Variants in SEMA6D observed in about 807,000 individuals in gnomAD.
SEMA6D encodes semaphorin 6D.
SEMA6D carries 35 observed loss-of-function variants against 106.6 expected under a neutral mutation model. The observed-to-expected ratio is 0.33, with a 90% confidence interval of 0.25 to 0.44. The LOEUF (loss-of-function observed/expected upper bound fraction) is 0.44, where lower values mean the gene tolerates loss of function less well. Ranked by LOEUF, SEMA6D falls within the 20% of genes least tolerant of loss-of-function variation. The pLI, the probability that SEMA6D is intolerant of heterozygous loss-of-function variation, is 1.00. For synonymous variants in SEMA6D, 499 were observed against 487.7 expected (o/e 1.02, Z -0.31); for missense variants, 1,185 against 1,345.9 (o/e 0.88, Z 1.87).
At position 47,375,301 on chromosome 15, in the gene SEMA6D, A is replaced by C. The variant is rs562042863; in HGVS notation, c.-238-37092A>C. ...TTGAACAACTACGATCTTGGGAAGA[A>C]AGTTTTTCAGCTGCCTGTTTGTCAA... On this transcript the variant is annotated intron_variant, in intron 1 of 19. Transcript: ENST00000558014. 4.6e-5 allele frequency among the ~76,000 whole-genome samples: 7 copies of C among 152,244 alleles called. No homozygotes were observed. In the South Asian group the frequency reaches 1.5e-3, roughly 32 times the overall value.
chr15:47,496,306 A>T (rs1483851359), intron 3 of SEMA6D, among the ~76,000 whole-genome samples: 1 of 152,044 alleles, frequency 6.6e-6, no homozygotes, highest in Non-Finnish European at 1.5e-5. Flanking sequence ...TCAACCACTG[A>T]CTCACAGAAT....
chr15:47,315,958 C>G (rs189188112), intron 1 of SEMA6D, among the ~76,000 whole-genome samples: 109 of 151,788 alleles, frequency 7.2e-4, no homozygotes, highest in Admixed American at 5.2e-3. Flanking sequence ...TTCCTGTATC[C>G]TTAGTATGAT....
At chr15:47,552,891 A>ATATATATATAAATATATATAAAT (rs2045790546) in intron 3 of SEMA6D, among the ~76,000 whole-genome samples, 3 of 35,294 alleles carry the variant, frequency 8.5e-5, no homozygotes, top group African/African-American at 3.5e-4. Context: ...AATATATATA[A>ATATATATATAAATATATATAAAT]ATATATATAT....
At position 47,273,779 on chromosome 15, in the gene SEMA6D, G is replaced by T. The variant is rs59471478; in HGVS notation, c.-239+89361G>T. Among the ~76,000 whole-genome samples, 8,688 of 152,270 alleles carry T rather than the reference G, an allele frequency of 0.057. 1,242 individuals are homozygous for T. In the East Asian group the frequency reaches 0.61, roughly 11 times the overall value. ...TTCTTTGAGTGAAGCAGCTCTTTCAGTTGGCACTGGCTTACCATATCATGG... is the reference window on the plus strand; with the variant it reads ...TTCTTTGAGTGAAGCAGCTCTTTCATTTGGCACTGGCTTACCATATCATGG... On this transcript the variant is annotated intron_variant, in intron 1 of 19. Transcript: ENST00000558014.
intron 3 of SEMA6D, among the ~76,000 whole-genome samples, chr15:47,563,223 T>A (rs1333796616): frequency 1.3e-5 from 2 of 152,188 alleles, no homozygotes; most frequent in Admixed American, 1.3e-4. Flanking sequence ...GGAAATTTTA[T>A]TGTGTGATGG....
intron 3 of SEMA6D, among the ~76,000 whole-genome samples, chr15:47,476,424 A>G (rs1024247954): frequency 1.3e-5 from 2 of 152,138 alleles, no homozygotes; most frequent in Non-Finnish European, 2.9e-5. Context: ...AAAATTTCAT[A>G]TATGTTATCT....
chr15:47,655,913 C>T (rs967984602), intron 4 of SEMA6D, among the ~76,000 whole-genome samples: 1 of 152,252 alleles, frequency 6.6e-6, no homozygotes, highest in East Asian at 1.9e-4. Flanking sequence ...TGTGAGTTGC[C>T]TCACGCATTC....
chr15:47,730,563 C>A, intron 1 of SEMA6D: 2 of 1,411,116 alleles, frequency 1.4e-6, no homozygotes, highest in Non-Finnish European at 1.0e-6. Flanking sequence ...GTGGGGACAT[C>A]CCCTTTGCCA....
intron 1 of SEMA6D, among the ~76,000 whole-genome samples, chr15:47,396,990 A>G (rs1456868676): frequency 2.0e-5 from 3 of 152,174 alleles, no homozygotes; most frequent in African/African-American, 4.8e-5. Flanking sequence ...AAAGAAAAAA[A>G]TTATTAAGGA....
intron 4 of SEMA6D, among the ~76,000 whole-genome samples, chr15:47,618,775 G>A (rs2077050187): frequency 6.6e-6 from 1 of 152,156 alleles, no homozygotes; most frequent in Non-Finnish European, 1.5e-5. Flanking sequence ...AACTTCATAG[G>A]TAACATTGAA....
At chr15:47,494,741 GATATATATATATATAT>G (rs202139404) in intron 3 of SEMA6D, among the ~76,000 whole-genome samples, 811 of 32,972 alleles carry the variant, frequency 0.025, 21 homozygotes, top group African/African-American at 0.045. Context: ...GTGGGATGGA[GATATATATATATATAT>G]ATATATATAT....
chr15:47,404,119 G>A (rs997413190), intron 1 of SEMA6D, among the ~76,000 whole-genome samples: 2 of 152,158 alleles, frequency 1.3e-5, no homozygotes, highest in African/African-American at 2.4e-5. Flanking sequence ...CTACAGAAGT[G>A]TATCTCAAAA....
intron 4 of SEMA6D, among the ~76,000 whole-genome samples, chr15:47,633,185 G>A (rs1313805439): frequency 6.6e-6 from 1 of 152,068 alleles, no homozygotes; most frequent in Non-Finnish European, 1.5e-5. Flanking sequence ...CTTGATTATA[G>A]TTATTCTTAT....
At chr15:47,744,733 CA>C (rs2081027163) in intron 1 of SEMA6D, among the ~76,000 whole-genome samples, 1 of 152,208 alleles carries the variant, frequency 6.6e-6, no homozygotes, top group African/African-American at 2.4e-5. Flanking sequence ...AGCGATCGCG[CA>C]CTCTCCTGTC....
chr15:47,387,359 G>A (rs893532008), intron 1 of SEMA6D, among the ~76,000 whole-genome samples: 3 of 152,318 alleles, frequency 2.0e-5, no homozygotes, highest in Admixed American at 6.5e-5. Context: ...CAAATGGAAA[G>A]AAAACAGAAC....
chr15:47,356,029 A>G (rs1487660542), intron 1 of SEMA6D, among the ~76,000 whole-genome samples: 1 of 152,224 alleles, frequency 6.6e-6, no homozygotes, highest in Non-Finnish European at 1.5e-5. Flanking sequence ...AGGGAAATTC[A>G]GAGGAATCAT....
intron 1 of SEMA6D, among the ~76,000 whole-genome samples, chr15:47,384,391 A>T (rs1336576978): frequency 6.6e-6 from 1 of 152,130 alleles, no homozygotes; most frequent in East Asian, 1.9e-4. Flanking sequence ...AAACATCTTT[A>T]TCTGCTTCCC....
intron 4 of SEMA6D, among the ~76,000 whole-genome samples, chr15:47,622,201 C>CA (rs199839582): frequency 0.029 from 1,826 of 62,242 alleles, 28 homozygotes; most frequent in African/African-American, 0.067. Context: ...GAAACCCAGC[C>CA]AAAAAAAAAA....
chr15:47,507,985 G>A (rs1217623102), intron 3 of SEMA6D, among the ~76,000 whole-genome samples: 1 of 152,196 alleles, frequency 6.6e-6, no homozygotes, highest in Non-Finnish European at 1.5e-5. Context: ...TAAGGAAAAT[G>A]TAAAGAGATT....
Sources: allele counts gnomAD v4.1 joint callset (sites outside exome capture counted in the v4.1 genomes callset), GRCh38; gene constraint gnomAD v4.1.1; transcripts MANE v1.5; gene names NCBI Gene and HGNC (gene_info 2026-07-23, HGNC 2026-07-21).